Variants in MAGI2 observed in about 807,000 individuals in gnomAD.
The protein encoded by MAGI2 is membrane-associated guanylate kinase, WW and PDZ domain-containing protein 2.
In MAGI2, 35 loss-of-function variants were observed where a neutral mutation model predicts 133.3. The ratio of observed to expected loss-of-function variants is 0.26; its 90% CI spans 0.20 to 0.35. The LOEUF (loss-of-function observed/expected upper bound fraction) is 0.35, where lower values mean the gene tolerates loss of function less well. MAGI2 is among the 10% of genes least tolerant of loss of function. The probability of loss-of-function intolerance (pLI) is 1.00; values close to 1 mark genes in which losing one functional copy is unlikely to be tolerated. For synonymous variants in MAGI2, 729 were observed against 710.6 expected (o/e 1.03, Z -0.41); for missense variants, 1,636 against 1,863.4 (o/e 0.88, Z 2.25).
intron 1 of MAGI2, among the ~76,000 whole-genome samples, chr7:79,439,501 T>C (rs538697931): frequency 6.6e-6 from 1 of 152,218 alleles, no homozygotes; most frequent in African/African-American, 2.4e-5. Context: ...CTATGTGCTG[T>C]AAAGGTAGTA....
At chr7:79,326,768 A>T (rs1017255336) in intron 1 of MAGI2, among the ~76,000 whole-genome samples, 2 of 152,234 alleles carry the variant, frequency 1.3e-5, no homozygotes, top group Admixed American at 1.3e-4. Flanking sequence ...ACAACCAATA[A>T]TGAAATGGAG....
chr7:79,101,872 T>G (rs1345620416), intron 1 of MAGI2, among the ~76,000 whole-genome samples: 1 of 151,890 alleles, frequency 6.6e-6, no homozygotes, highest in Admixed American at 6.6e-5. Flanking sequence ...GTCTATAACA[T>G]ATATATCATA....
chr7:79,205,424 T>A (rs1050579552), intron 1 of MAGI2, among the ~76,000 whole-genome samples: 1 of 151,918 alleles, frequency 6.6e-6, no homozygotes, highest in Admixed American at 6.6e-5. Flanking sequence ...ACAAAGACTA[T>A]TCCCAGAAAA....
chr7:78,305,122 A>G (rs778794121), intron 9 of MAGI2, among the ~76,000 whole-genome samples: 38 of 152,332 alleles, frequency 2.5e-4, no homozygotes, highest in Non-Finnish European at 4.9e-4. Flanking sequence ...TGGGGACTCA[A>G]TGAATTGTCA....
chr7:78,425,575 T>C (rs1371155083), intron 6 of MAGI2, among the ~76,000 whole-genome samples: 2 of 152,194 alleles, frequency 1.3e-5, no homozygotes, highest in Admixed American at 6.5e-5. Context: ...TCTGCTGATA[T>C]ATAGGGTGAG....
chr7:79,273,447 A>G (rs1180710966), intron 1 of MAGI2, among the ~76,000 whole-genome samples: 1 of 152,096 alleles, frequency 6.6e-6, no homozygotes, highest in African/African-American at 2.4e-5. Context: ...GTAAAATAGA[A>G]GTATATAAAG....
At chr7:78,602,360 A>C (rs1434943769) in intron 3 of MAGI2, among the ~76,000 whole-genome samples, 1 of 152,132 alleles carries the variant, frequency 6.6e-6, no homozygotes, top group Non-Finnish European at 1.5e-5. Flanking sequence ...GGGTTTCACC[A>C]CGTTGGCCAA....
chr7:79,419,834 TA>T (rs552374541), intron 1 of MAGI2, among the ~76,000 whole-genome samples: 25 of 152,142 alleles, frequency 1.6e-4, no homozygotes, highest in African/African-American at 6.0e-4. Context: ...ACTGATGACA[TA>T]AAACATAAAT....
At chr7:78,497,742 A>ATCTGTCTGTCTGTCTGTCTCTCTGTCTG (rs1234566826) in intron 5 of MAGI2, among the ~76,000 whole-genome samples, 1 of 120,230 alleles carries the variant, frequency 8.3e-6, no homozygotes, top group Non-Finnish European at 1.9e-5. Context: ...CTATCTATCT[A>ATCTGTCTGTCTGTCTGTCTCTCTGTCTG]TCTATCTATC....
chr7:79,436,980 TGTG>T (rs759191225), intron 1 of MAGI2, among the ~76,000 whole-genome samples: 9 of 152,106 alleles, frequency 5.9e-5, no homozygotes, highest in Non-Finnish European at 1.3e-4. Flanking sequence ...ATAAAGAAAA[TGTG>T]GTACATATAC....
intron 2 of MAGI2, among the ~76,000 whole-genome samples, chr7:79,002,170 C>T (rs867425408): frequency 1.3e-4 from 20 of 149,048 alleles, no homozygotes; most frequent in Admixed American, 6.0e-4. Flanking sequence ...CTCACTCTGT[C>T]ACCCAGGCTG....
intron 2 of MAGI2, among the ~76,000 whole-genome samples, chr7:78,903,454 C>T (rs1421760748): frequency 6.6e-6 from 1 of 151,968 alleles, no homozygotes; most frequent in Non-Finnish European, 1.5e-5. Flanking sequence ...CTCGGCCTCC[C>T]AAAGTGCTGG....
At chr7:78,530,050 G>T (rs1038527831) in intron 3 of MAGI2, among the ~76,000 whole-genome samples, 1 of 152,080 alleles carries the variant, frequency 6.6e-6, no homozygotes, top group African/African-American at 2.4e-5. Context: ...TATGTTACTA[G>T]CAGCTGCTAT....
intron 10 of MAGI2, among the ~76,000 whole-genome samples, chr7:78,216,557 G>A (rs555453230): frequency 8.9e-4 from 135 of 152,030 alleles, no homozygotes; most frequent in Non-Finnish European, 1.4e-3. Context: ...TCTCTCCTCC[G>A]GCCACAGGGA....
chr7:78,340,980 T>G (rs939716222), intron 9 of MAGI2, among the ~76,000 whole-genome samples: 1 of 152,046 alleles, frequency 6.6e-6, no homozygotes, highest in African/African-American at 2.4e-5. Context: ...AAGAAAGAAA[T>G]AAAGCGCATT....
At chr7:78,103,956 A>C (rs3807736) in intron 20 of MAGI2, among the ~76,000 whole-genome samples, 62,584 of 152,058 alleles carry the variant, frequency 0.41, 13,772 homozygotes, top group Non-Finnish European at 0.49. Context: ...TGGCACTCCA[A>C]AACACAACAA....
chr7:79,167,511 CTG>C (rs1358372910), intron 1 of MAGI2, among the ~76,000 whole-genome samples: 1 of 150,870 alleles, frequency 6.6e-6, no homozygotes, highest in Non-Finnish European at 1.5e-5. Context: ...TACTTCATAA[CTG>C]TTAATTTCTT....
At chr7:79,081,668 A>G (rs952437482) in intron 1 of MAGI2, among the ~76,000 whole-genome samples, 1 of 152,152 alleles carries the variant, frequency 6.6e-6, no homozygotes, top group African/African-American at 2.4e-5. Flanking sequence ...TGCAATTAAC[A>G]AATATTCTCA....
intron 2 of MAGI2, among the ~76,000 whole-genome samples, chr7:78,649,636 C>CA (rs1554512875): frequency 1.3e-5 from 2 of 151,272 alleles, no homozygotes; most frequent in Non-Finnish European, 3.0e-5. Flanking sequence ...CAAAAAATTT[C>CA]TTTTTTTTTA....
Sources: gnomAD v4.1 joint callset for allele counts (sites outside exome capture counted in the v4.1 genomes callset) on GRCh38, gnomAD v4.1.1 for gene constraint, MANE v1.5 for transcripts, NCBI Gene and HGNC (gene_info 2026-07-23, HGNC 2026-07-21) for gene names.